The following APBB1IP variants were observed in gnomAD, a reference collection of about 807,000 sequenced individuals.
The protein encoded by APBB1IP is amyloid beta precursor protein binding family B member 1 interacting protein, also known as amyloid beta A4 precursor protein-binding family B member 1-interacting protein.
Under a neutral mutation model 64.9 loss-of-function variants are expected in APBB1IP, and 27 were observed. That is an observed-to-expected ratio of 0.42 (90% CI 0.31 to 0.57). The LOEUF is 0.57. APBB1IP is among the 20% of genes least tolerant of loss of function. The pLI is 0.20. For missense variants in APBB1IP, 812 were observed against 845.5 expected (o/e 0.96, Z 0.49); for synonymous variants, 392 against 331.0 (o/e 1.18, Z -2.00).
At chr10:26,527,762 G>T (rs1986105) in intron 8 of APBB1IP, among the ~76,000 whole-genome samples, 1 of 145,808 alleles carries the variant, frequency 6.9e-6, no homozygotes. Context: ...GCACGATCTC[G>T]GCTCACTGCA....
At chr10:26,513,704 A>T (rs1836289322) in intron 8 of APBB1IP, 44 bp downstream of exon 8, 1 of 1,376,970 alleles carries the variant, frequency 7.3e-7, no homozygotes, top group South Asian at 1.4e-5. Context: ...AGTACAAAGG[A>T]TTTTTTTTTT....
At chr10:26,511,701 C>T in intron 6 of APBB1IP, 46 bp from the exon 7 acceptor site, 1 of 1,605,494 alleles carries the variant, frequency 6.2e-7, no homozygotes, top group Non-Finnish European at 8.5e-7. Flanking sequence ...TAGTAGCCTT[C>T]TCCAGTTGCT....
intron 2 of APBB1IP, among the ~76,000 whole-genome samples, chr10:26,462,965 T>C (rs1835610294): frequency 6.6e-6 from 1 of 152,202 alleles, no homozygotes; most frequent in African/African-American, 2.4e-5. Context: ...AGAGCAAGCC[T>C]CCTTCTGGAC....
At chr10:26,533,041 G>A (rs1390662356) in intron 8 of APBB1IP, among the ~76,000 whole-genome samples, 10 of 152,200 alleles carry the variant, frequency 6.6e-5, no homozygotes, top group South Asian at 2.1e-4. Flanking sequence ...TCTGCCTGCC[G>A]GAGCAGTTCC....
At chr10:26,492,776 G>A (rs2132430802) in intron 3 of APBB1IP, among the ~76,000 whole-genome samples, 1 of 152,254 alleles carries the variant, frequency 6.6e-6, no homozygotes, top group Admixed American at 6.5e-5. Context: ...AAGGCAAATG[G>A]GCAGGGCAAG....
At chr10:26,478,375 G>A (rs939127533) in intron 2 of APBB1IP, among the ~76,000 whole-genome samples, 1 of 152,160 alleles carries the variant, frequency 6.6e-6, no homozygotes, top group Non-Finnish European at 1.5e-5. Context: ...GAAGGTAGCT[G>A]AATGTGTGAA....
intron 11 of APBB1IP, among the ~76,000 whole-genome samples, chr10:26,552,551 G>A (rs1339350722): frequency 6.6e-6 from 1 of 151,258 alleles, no homozygotes; most frequent in Non-Finnish European, 1.5e-5. Flanking sequence ...GTGAGCCACA[G>A]TCACACTGTT....
At chr10:26,481,014 A>G (rs1020343843) in intron 2 of APBB1IP, among the ~76,000 whole-genome samples, 5 of 152,138 alleles carry the variant, frequency 3.3e-5, no homozygotes, top group Non-Finnish European at 5.9e-5. Context: ...TTTAGGTCAC[A>G]GTAGGTCCTA....
intron 11 of APBB1IP, among the ~76,000 whole-genome samples, chr10:26,543,666 G>T (rs1414011840): frequency 1.3e-5 from 2 of 151,960 alleles, no homozygotes; most frequent in African/African-American, 4.8e-5. Flanking sequence ...AAATGGCAAA[G>T]AACAAAAAAA....
intron 2 of APBB1IP, among the ~76,000 whole-genome samples, chr10:26,466,145 T>C (rs1038066282): frequency 1.3e-5 from 2 of 152,210 alleles, no homozygotes; most frequent in African/African-American, 4.8e-5. Flanking sequence ...TGGGCTGAGC[T>C]AGGACTGGCA....
chr10:26,460,006 G>T (rs974385925), intron 2 of APBB1IP, among the ~76,000 whole-genome samples: 3 of 151,950 alleles, frequency 2.0e-5, no homozygotes, highest in African/African-American at 7.3e-5. Flanking sequence ...AAAATAATTT[G>T]TATAAACAAA....
intron 13 of APBB1IP, chr10:26,561,941 T>A (rs1836978154): frequency 5.8e-6 from 1 of 171,216 alleles, no homozygotes; most frequent in African/African-American, 2.4e-5. Flanking sequence ...CAAGAATTTT[T>A]AAAAATATGT....
intron 2 of APBB1IP, among the ~76,000 whole-genome samples, chr10:26,469,421 G>A (rs190210696): frequency 5.3e-5 from 8 of 151,276 alleles, no homozygotes; most frequent in African/African-American, 1.7e-4. Flanking sequence ...CACCACACTC[G>A]GCTATTTTTA....
chr10:26,461,041 T>C (rs953367314), intron 2 of APBB1IP, among the ~76,000 whole-genome samples: 2 of 152,018 alleles, frequency 1.3e-5, no homozygotes, highest in Middle Eastern at 3.2e-3. Flanking sequence ...CTGGGAAACA[T>C]CATTTCTAGA....
At chr10:26,442,802 A>G (rs1417947468) in intron 2 of APBB1IP, among the ~76,000 whole-genome samples, 3 of 152,164 alleles carry the variant, frequency 2.0e-5, no homozygotes, top group Admixed American at 2.0e-4. Context: ...ACATTTCCCC[A>G]TTTCCCAGCT....
intron 8 of APBB1IP, among the ~76,000 whole-genome samples, chr10:26,517,607 G>A (rs1836348505): frequency 6.6e-6 from 1 of 152,178 alleles, no homozygotes; most frequent in African/African-American, 2.4e-5. Context: ...ACCCGGCCAA[G>A]TTTTGTTTTT....
chr10:26,542,275 G>A (rs559160392), intron 11 of APBB1IP, among the ~76,000 whole-genome samples: 2 of 152,236 alleles, frequency 1.3e-5, no homozygotes, highest in Admixed American at 1.3e-4. Context: ...TCCTGCCTTA[G>A]CCTCTCAAGT....
chr10:26,548,052 A>G (rs566286627), intron 11 of APBB1IP, among the ~76,000 whole-genome samples: 23 of 152,252 alleles, frequency 1.5e-4, no homozygotes, highest in Non-Finnish European at 2.9e-4. Flanking sequence ...GATTTGTAGT[A>G]TATTTTGAAA....
chr10:26,513,746 G>T, intron 8 of APBB1IP, 86 bp downstream of exon 8: 1 of 1,461,190 alleles, frequency 6.8e-7, no homozygotes, highest in Non-Finnish European at 9.1e-7. Context: ...GCTGGAGACA[G>T]GGTCTGAAAG....
Sources: gnomAD v4.1 joint callset for allele counts (sites outside exome capture counted in the v4.1 genomes callset) on GRCh38, gnomAD v4.1.1 for gene constraint, MANE v1.5 for transcripts, NCBI Gene and HGNC (gene_info 2026-07-23, HGNC 2026-07-21) for gene names.